SUN1: variants seen among roughly 807,000 people sequenced by gnomAD.
SUN1 encodes the protein Sad1 and UNC84 domain containing 1.
SUN1 carries 61 observed loss-of-function variants against 103.2 expected under a neutral mutation model. That is an observed-to-expected ratio of 0.59 (90% CI 0.48 to 0.73). The LOEUF (loss-of-function observed/expected upper bound fraction) is 0.73. Among genes scored for constraint, SUN1 ranks in the 30% least tolerant of loss-of-function variants. The pLI is 0.00. For missense variants in SUN1, 1,052 were observed against 1,034.6 expected, an observed-to-expected ratio of 1.02 and a Z score of -0.23; for synonymous variants, 490 against 425.7, an observed-to-expected ratio of 1.15 and a Z score of -1.86.
In SUN1 at chr7:873,820, T is replaced by G. The variant is rs960891048; in HGVS notation, c.*489T>G. Reference sequence around the variant, plus strand: ...AAACTCCTTTCCTTCAAGCCGGAATTTTCCTTTTTTCAGCACCAGTAGGTA... The same window carrying G: ...AAACTCCTTTCCTTCAAGCCGGAATGTTCCTTTTTTCAGCACCAGTAGGTA... On this transcript the variant is annotated 3_prime_UTR_variant, in exon 19 of 19. Coordinates refer to ENST00000401592, the MANE Select transcript of SUN1 (RefSeq NM_001130965.3). 2 of 153,624 alleles carry G rather than the reference T, an allele frequency of 1.3e-5. No homozygotes were observed. The highest frequency in any genetic ancestry group is 6.5e-5 in the Admixed American group (1 of 15,400). The allele number at this position is 153,624 out of a possible 1,614,324, so 9.5% of individuals were successfully genotyped here. A position where few individuals can be genotyped will look rare whatever the true frequency, so the allele number is the denominator to read the frequency against.
chr7:853,586 G>T lies in SUN1; in HGVS notation c.1231G>T (p.Val411Phe). The T allele has an allele frequency of 6.2e-7, 1 of 1,607,066 alleles. No homozygotes were observed. Residue 411 changes from valine to phenylalanine, a missense_variant, in exon 10 of 19, where the codon GTC (valine) becomes TTC (phenylalanine). Physicochemically the swap from Val to Phe is conservative, Grantham distance 50. Coordinates refer to ENST00000401592, the MANE Select transcript of SUN1 (RefSeq NM_001130965.3). ...EGGAAGPSASVRDAVGQPPRE... is the reference protein window; with the variant it reads ...EGGAAGPSASFRDAVGQPPRE... ...CGGCGCTGCCGGGCCGTCAGCTTCG[G>T]TCAGAGACGCTGTGGGACAGCCCCC...
intron 1 of SUN1, among the ~76,000 whole-genome samples, chr7:818,865 C>G (rs1783312537): frequency 7.8e-6 from 1 of 127,448 alleles, no homozygotes; most frequent in Non-Finnish European, 1.7e-5. Flanking sequence ...CGCTCCCCTC[C>G]CCCCCTTTTT....
At chr7:854,223 C>T (rs988058319) in intron 10 of SUN1, among the ~76,000 whole-genome samples, 17 of 152,248 alleles carry the variant, frequency 1.1e-4, no homozygotes, top group East Asian at 1.9e-4. Flanking sequence ...GTTCTTAAGC[C>T]GTCTTCCAGC....
intron 3 of SUN1, 136 bp downstream of exon 3, chr7:842,266 T>G: frequency 1.0e-6 from 1 of 970,876 alleles, no homozygotes; most frequent in Non-Finnish European, 1.5e-6. Flanking sequence ...GTGGCCACAT[T>G]GTGGGTTTGC....
chr7:816,713 G>T, intron 1 of SUN1: 1 of 149,952 alleles, frequency 6.7e-6, no homozygotes, highest in South Asian at 2.0e-4. Context: ...ACCCCGGGGC[G>T]GGCGCCGGGC....
upstream of SUN1, chr7:816,246 C>G: frequency 4.8e-6 from 1 of 208,838 alleles, no homozygotes; most frequent in South Asian, 4.4e-5. Context: ...GTGCAGATCC[C>G]TCCCCCAGAT....
upstream of SUN1, chr7:832,418 T>C: frequency 1.8e-6 from 2 of 1,115,676 alleles, no homozygotes; most frequent in Non-Finnish European, 2.7e-6. Context: ...TTGAGTTGCG[T>C]GTAGGCAGCT....
chr7:867,722 C>G (rs992832100), intron 16 of SUN1, among the ~76,000 whole-genome samples: 3 of 152,224 alleles, frequency 2.0e-5, no homozygotes, highest in Non-Finnish European at 4.4e-5. Context: ...GTTTACAGAA[C>G]ATAGGGATAG....
Position 841,939 on chromosome 7 carries a change from T to C in SUN1, c.267-7T>C, listed in dbSNP as rs751282249. On this transcript the variant is annotated splice_polypyrimidine_tract_variant and splice_region_variant and intron_variant, in intron 2 of 18. Coordinates refer to ENST00000401592, the MANE Select transcript of SUN1 (RefSeq NM_001130965.3). ...TCTATAAACTTGCTGTTTTTTTTTCTTCTTAGAACAACAAAACAGCGCAGA... is the reference window on the plus strand; with the variant it reads ...TCTATAAACTTGCTGTTTTTTTTTCCTCTTAGAACAACAAAACAGCGCAGA... 1.2e-6 allele frequency: 2 copies of C among 1,613,562 alleles called. No individual in the cohort carries two copies. The highest frequency in any genetic ancestry group is 1.7e-6 in the Non-Finnish European group (2 of 1,179,844).
At chr7:871,875 T>C (rs757784426) in intron 17 of SUN1, among the ~76,000 whole-genome samples, 4 of 152,254 alleles carry the variant, frequency 2.6e-5, no homozygotes, top group Non-Finnish European at 5.9e-5. Flanking sequence ...CTTACTGTTC[T>C]AATAAGTGCA....
chr7:828,886 C>T (rs1343281285), upstream of SUN1, among the ~76,000 whole-genome samples: 4 of 152,232 alleles, frequency 2.6e-5, no homozygotes, highest in Non-Finnish European at 4.4e-5. Flanking sequence ...AGCCTGAGAA[C>T]CCATGTCCAG....
intron 1 of SUN1, among the ~76,000 whole-genome samples, chr7:835,314 C>T (rs967235185): frequency 2.0e-5 from 3 of 152,218 alleles, no homozygotes; most frequent in African/African-American, 7.2e-5. Flanking sequence ...TGGGCCCGAA[C>T]ACTTACTCTC....
rs376538370 is a variant in SUN1 at position 843,477 on chromosome 7, C to G, written c.615C>G (p.Pro205=). The G allele has an allele frequency of 1.2e-5, 19 of 1,613,930 alleles. No individual in the cohort carries two copies. The East Asian group carries it at 4.2e-4, about 36-fold the overall frequency. The change falls in exon 5 of 19, where the codon CCC becomes CCG. Residue 205 remains proline (P), a synonymous_variant. Coordinates refer to ENST00000401592, the MANE Select transcript of SUN1 (RefSeq NM_001130965.3). ...KDVLTAHPAA[P]GPVSRVYSRD... Reference sequence around the variant, plus strand: ...TGCTCACGGCGCACCCCGCGGCCCCCGGGCCCGTGTCGAGAGTTTATTCTA... The same window carrying G: ...TGCTCACGGCGCACCCCGCGGCCCCGGGGCCCGTGTCGAGAGTTTATTCTA...
chr7:853,316 G>A, intron 9 of SUN1, 93 bp from the exon 10 acceptor site: 1 of 1,434,968 alleles, frequency 7.0e-7, no homozygotes, highest in East Asian at 2.3e-5. Flanking sequence ...CCCAGAGCTG[G>A]CGTCTTGCTG....
At chr7:845,878 T>C (rs1386113646) in intron 5 of SUN1, among the ~76,000 whole-genome samples, 2 of 152,158 alleles carry the variant, frequency 1.3e-5, no homozygotes, top group Admixed American at 6.5e-5. Context: ...CGTGTGCGGC[T>C]TGGGAGTCGT....
chr7:864,377 G>A (rs988303920), intron 15 of SUN1, among the ~76,000 whole-genome samples: 2 of 151,540 alleles, frequency 1.3e-5, no homozygotes, highest in East Asian at 1.9e-4. Flanking sequence ...GAGAAACCCC[G>A]TCTCTACTAA....
chr7:849,351 G>A (rs572483370), intron 5 of SUN1, among the ~76,000 whole-genome samples: 428 of 152,338 alleles, frequency 2.8e-3, no homozygotes, highest in Non-Finnish European at 5.0e-3. Context: ...CTCGTGGCCC[G>A]GGCCCTGTCA....
chr7:837,989 T>A (rs1805134370), intron 1 of SUN1, among the ~76,000 whole-genome samples: 1 of 152,368 alleles, frequency 6.6e-6, no homozygotes, highest in African/African-American at 2.4e-5. Context: ...CCTCAGCCTC[T>A]AAGTTAAAGA....
intron 1 of SUN1, among the ~76,000 whole-genome samples, chr7:824,171 A>T (rs1042672367): frequency 2.6e-5 from 4 of 152,270 alleles, no homozygotes; most frequent in Admixed American, 6.5e-5. Flanking sequence ...TATGTGGTCC[A>T]GTAAAACAGA....
Sources: allele counts gnomAD v4.1 joint callset (sites outside exome capture counted in the v4.1 genomes callset), GRCh38; gene constraint gnomAD v4.1.1; transcripts MANE v1.5; gene names NCBI Gene and HGNC (gene_info 2026-07-23, HGNC 2026-07-21).